WWOX: variants seen among roughly 807,000 people sequenced by gnomAD.
The protein encoded by WWOX is WW domain-containing oxidoreductase.
Under a neutral mutation model 46.2 loss-of-function variants are expected in WWOX, and 69 were observed. The ratio of observed to expected loss-of-function variants is 1.49; its 90% CI spans 1.23 to 1.82. The LOEUF (loss-of-function observed/expected upper bound fraction) is 1.82, where lower values mean the gene tolerates loss of function less well. Among genes scored for constraint, WWOX ranks in the 40% most tolerant of loss-of-function variants. The probability of loss-of-function intolerance (pLI) is 0.00; values close to 1 mark genes in which losing one functional copy is unlikely to be tolerated. For synonymous variants in WWOX, 359 were observed against 202.6 expected, an observed-to-expected ratio of 1.77 and a Z score of -6.56; for missense variants, 919 against 542.6, an observed-to-expected ratio of 1.69 and a Z score of -6.89.
chr16:78,783,270 A>T (rs2050374657), intron 8 of WWOX, among the ~76,000 whole-genome samples: 1 of 152,222 alleles, frequency 6.6e-6, no homozygotes, highest in Admixed American at 6.5e-5. Context: ...GGCTCCTGTT[A>T]AGCTCTCCTT....
intron 8 of WWOX, among the ~76,000 whole-genome samples, chr16:78,680,357 G>A (rs890423795): frequency 6.6e-6 from 1 of 151,930 alleles, no homozygotes; most frequent in Non-Finnish European, 1.5e-5. Flanking sequence ...CAGCCTGAAC[G>A]ACGTAAAAAG....
At chr16:78,226,750 G>T (rs1325686680) in intron 5 of WWOX, among the ~76,000 whole-genome samples, 4 of 152,014 alleles carry the variant, frequency 2.6e-5, no homozygotes, top group Non-Finnish European at 4.4e-5. Context: ...GGTTCCTGCT[G>T]ATGGGCACAC....
intron 8 of WWOX, among the ~76,000 whole-genome samples, chr16:78,647,440 T>G (rs2046869578): frequency 6.6e-6 from 1 of 152,098 alleles, no homozygotes; most frequent in Non-Finnish European, 1.5e-5. Flanking sequence ...AGCACACGGT[T>G]CCATGATCAT....
chr16:78,439,328 G>T (rs1299937974), intron 8 of WWOX, among the ~76,000 whole-genome samples: 1 of 152,168 alleles, frequency 6.6e-6, no homozygotes, highest in Non-Finnish European at 1.5e-5. Flanking sequence ...GGACCCCTCT[G>T]TGGTTGGACC....
chr16:78,426,008 C>G (rs184446935), intron 7 of WWOX, among the ~76,000 whole-genome samples: 51 of 152,270 alleles, frequency 3.3e-4, no homozygotes, highest in Non-Finnish European at 6.0e-4. Context: ...AGCTTGAACC[C>G]TTTATCACTC....
chr16:78,355,744 G>A (rs573143270), intron 5 of WWOX: 3 of 708,638 alleles, frequency 4.2e-6, no homozygotes, highest in East Asian at 7.1e-5. Flanking sequence ...CATATGAAGA[G>A]ACATATGAAT....
intron 8 of WWOX, among the ~76,000 whole-genome samples, chr16:79,075,179 G>A (rs1330464564): frequency 6.6e-6 from 1 of 152,200 alleles, no homozygotes; most frequent in Non-Finnish European, 1.5e-5. Flanking sequence ...GGCATCCTAA[G>A]AGTCTGCATT....
chr16:78,505,517 C>A (rs7190317), intron 8 of WWOX, among the ~76,000 whole-genome samples: 10,037 of 152,182 alleles, frequency 0.066, 1,097 homozygotes, highest in African/African-American at 0.23. Context: ...GGAGACTGTT[C>A]AAGCACTGGA....
chr16:78,106,284 A>C (rs781675097), intron 1 of WWOX, among the ~76,000 whole-genome samples: 14 of 152,164 alleles, frequency 9.2e-5, no homozygotes, highest in Non-Finnish European at 1.8e-4. Context: ...TGTTATTGCC[A>C]ATGCTTGGTT....
At chr16:78,374,018 C>T (rs2081758313) in intron 5 of WWOX, among the ~76,000 whole-genome samples, 1 of 152,230 alleles carries the variant, frequency 6.6e-6, no homozygotes, top group Non-Finnish European at 1.5e-5. Flanking sequence ...AACTCCTGAC[C>T]TCAAGTGGTC....
At chr16:78,599,106 C>CTCAA (rs2045561618) in intron 8 of WWOX, among the ~76,000 whole-genome samples, 1 of 152,156 alleles carries the variant, frequency 6.6e-6, no homozygotes, top group Non-Finnish European at 1.5e-5. Context: ...TGAATGCCAG[C>CTCAA]TCAAGCTGCT....
chr16:78,612,470 T>G (rs1308528036), intron 8 of WWOX, among the ~76,000 whole-genome samples: 2 of 152,128 alleles, frequency 1.3e-5, no homozygotes, highest in African/African-American at 2.4e-5. Context: ...GCACATGATG[T>G]AGGTTTTTGT....
At chr16:78,474,141 T>G (rs765619971) in intron 8 of WWOX, among the ~76,000 whole-genome samples, 2 of 152,256 alleles carry the variant, frequency 1.3e-5, no homozygotes, top group African/African-American at 2.4e-5. Flanking sequence ...TACACGTTTA[T>G]GGATTGAAAT....
intron 5 of WWOX, among the ~76,000 whole-genome samples, chr16:78,336,836 A>G (rs2080901802): frequency 6.6e-6 from 1 of 152,154 alleles, no homozygotes; most frequent in Non-Finnish European, 1.5e-5. Flanking sequence ...CTCATTTCCC[A>G]GGATGGAGTG....
intron 8 of WWOX, among the ~76,000 whole-genome samples, chr16:79,055,633 T>G (rs1225781629): frequency 6.6e-6 from 1 of 152,232 alleles, no homozygotes; most frequent in Non-Finnish European, 1.5e-5. Flanking sequence ...CAATTGCTAT[T>G]TTTTAAAGGT....
At chr16:78,291,580 T>G (rs980880954) in intron 5 of WWOX, among the ~76,000 whole-genome samples, 12 of 152,130 alleles carry the variant, frequency 7.9e-5, no homozygotes, top group African/African-American at 2.9e-4. Flanking sequence ...TTGGATAGTT[T>G]TAGAAGTTGA....
In WWOX at chr16:78,365,680, C is replaced by T. The variant is rs1169249414; in HGVS notation, c.517-21180C>T. On this transcript the variant is annotated intron_variant, in intron 5 of 8. Coordinates refer to ENST00000566780, the MANE Select transcript of WWOX (RefSeq NM_016373.4). ...TGTCGTTTAGATTAGGAACAGATTGCCAGATGTGGAAGAAATAGCCTCATT... is the reference window on the plus strand; with the variant it reads ...TGTCGTTTAGATTAGGAACAGATTGTCAGATGTGGAAGAAATAGCCTCATT... Among the ~76,000 whole-genome samples, 3 of 152,248 alleles carry T rather than the reference C, an allele frequency of 2.0e-5. No homozygotes were observed. The East Asian group carries it at 5.8e-4, about 29-fold the overall frequency.
At chr16:78,798,559 T>C (rs755039322) in intron 8 of WWOX, among the ~76,000 whole-genome samples, 38 of 150,892 alleles carry the variant, frequency 2.5e-4, no homozygotes, top group Non-Finnish European at 4.6e-4. Flanking sequence ...ATGCAATATA[T>C]TCCTCCCTCC....
At chr16:79,144,559 C>G (rs1430609398) in intron 8 of WWOX, among the ~76,000 whole-genome samples, 1 of 151,964 alleles carries the variant, frequency 6.6e-6, no homozygotes, top group African/African-American at 2.4e-5. Context: ...GATTTAAGCA[C>G]TAAGCTATTG....
Sources: allele counts gnomAD v4.1 joint callset (sites outside exome capture counted in the v4.1 genomes callset), GRCh38; gene constraint gnomAD v4.1.1; transcripts MANE v1.5; gene names NCBI Gene and HGNC (gene_info 2026-07-23, HGNC 2026-07-21).